Variants in MAP3K10 observed in about 807,000 individuals in gnomAD.
The protein encoded by MAP3K10 is MKN28 derived nonreceptor_type serine/threonine kinase.
MAP3K10 carries 22 observed loss-of-function variants against 75.0 expected under a neutral mutation model. The ratio of observed to expected loss-of-function variants is 0.29; its 90% CI spans 0.21 to 0.42. MAP3K10 has a LOEUF of 0.42. Ranked by LOEUF, MAP3K10 falls within the 10% of genes least tolerant of loss-of-function variation. The pLI is 1.00. For missense variants in MAP3K10, 1,165 were observed against 1,379.8 expected, an observed-to-expected ratio of 0.84 and a Z score of 2.47; for synonymous variants, 599 against 612.9, an observed-to-expected ratio of 0.98 and a Z score of 0.34.
Position 40,205,322 on chromosome 19 carries a change from A to G in MAP3K10, c.1188+26A>G, listed in dbSNP as rs781577696. On this transcript the variant is annotated intron_variant, in intron 4 of 9. Coordinates refer to ENST00000253055, the MANE Select transcript of MAP3K10 (RefSeq NM_002446.4). This position sits in a 1 kb window ranked among gnomAD's most constrained non-coding sequence, Gnocchi z 4.3. ...GTGAAGGCAGGGGGCAAGGTGGGAA[A>G]GATGGAGCAAGACCCCTGAGTTCTG... 3 of 1,612,190 alleles carry G rather than the reference A, an allele frequency of 1.9e-6. No individual in the cohort carries two copies. Among genetic ancestry groups the G allele is most frequent in the Middle Eastern group, 3.3e-4 (2 of 6,050 alleles).
In MAP3K10 at chr19:40,205,037, C is replaced by T. The variant is rs1406298581; in HGVS notation, c.1013-84C>T. ...TTGTCTGCCATCCCCAGAAATTCTGCCTTCCTCTGAGCAGGCTGAGTCCCC... is the reference window on the plus strand; with the variant it reads ...TTGTCTGCCATCCCCAGAAATTCTGTCTTCCTCTGAGCAGGCTGAGTCCCC... On this transcript the variant is annotated intron_variant, in intron 3 of 9. Coordinates refer to ENST00000253055, the MANE Select transcript of MAP3K10 (RefSeq NM_002446.4). This position sits in a 1 kb window ranked among gnomAD's most constrained non-coding sequence, Gnocchi z 4.3. 2.3e-6 allele frequency: 3 copies of T among 1,281,044 alleles called. No homozygotes were observed. Among genetic ancestry groups the T allele is most frequent in the African/African-American group, 2.9e-5 (2 of 68,226 alleles). The allele number at this position is 1,281,044 out of a possible 1,614,324, so 79.4% of individuals were successfully genotyped here. A position where few individuals can be genotyped will look rare whatever the true frequency, so the allele number is the denominator to read the frequency against.
rs1235037562 is a variant in MAP3K10 at position 40,214,238 on chromosome 19, G to A, written c.2542+17G>A. 1.5e-6 allele frequency: 2 copies of A among 1,378,110 alleles called. No homozygotes were observed. The highest frequency in any genetic ancestry group is 1.6e-5 in the South Asian group (1 of 61,522). 85.4% of individuals were successfully genotyped at this position (1,378,110 alleles called of 1,614,324 possible). The stretch of plus-strand genomic sequence containing the variant: ...ATGGCCCTGGTGAGTGAGGCGCCCT[G>A]CACCCAGGTCACAGAAAACCCCTTC... On this transcript the variant is annotated intron_variant, in intron 9 of 9. Transcript: ENST00000253055.
In MAP3K10 at chr19:40,204,853, T is replaced by C. The variant is rs1333840282; in HGVS notation, c.1012+220T>C. 1.2e-5 allele frequency: 8 copies of C among 640,804 alleles called. No homozygotes were observed. Among genetic ancestry groups the C allele is most frequent in the Admixed American group, 5.9e-5 (2 of 33,840 alleles). 39.7% of individuals were successfully genotyped at this position (640,804 alleles called of 1,614,324 possible). On this transcript the variant is annotated intron_variant, in intron 3 of 9. Transcript: ENST00000253055. This position sits in a 1 kb window ranked among gnomAD's most constrained non-coding sequence, Gnocchi z 4.3. ...GGCCCAGAGCTCTCAGGACAACCTG[T>C]TAGGATTCCTTGGCCCTGGGATTCC...
chr19:40,201,847 G>A (rs1973031191), intron 2 of MAP3K10, among the ~76,000 whole-genome samples: 1 of 143,288 alleles, frequency 7.0e-6, no homozygotes, highest in African/African-American at 2.6e-5. Context: ...TGTGCAGAAC[G>A]TGCAGGGTTT....
rs760685025 is a variant in MAP3K10, at chr19:40,215,100, C to T, written c.2673C>T (p.Ala891=). The change falls in exon 10 of 10, where the codon GCC becomes GCT. Residue 891 remains alanine (A), a synonymous_variant. Coordinates refer to ENST00000253055, the MANE Select transcript of MAP3K10 (RefSeq NM_002446.4). ...LTFAPRPRPA[A]SRPRLDPWKL... The stretch of plus-strand genomic sequence containing the variant: ...TTGCCCCGAGACCTCGGCCGGCTGC[C>T]AGTCGCCCCCGCTTGGACCCCTGGA... 1.2e-6 allele frequency: 2 copies of T among 1,611,082 alleles called. No homozygotes were observed. Among genetic ancestry groups the T allele is most frequent in the African/African-American group, 2.7e-5 (2 of 74,748 alleles).
rs1030420946 is a variant in MAP3K10 at position 40,205,776 on chromosome 19, C to T, written c.1189-135C>T. 1.9e-5 allele frequency: 18 copies of T among 939,602 alleles called. No individual in the cohort carries two copies. Among genetic ancestry groups the T allele is most frequent in the South Asian group, 1.4e-4 (7 of 50,794 alleles). 58.2% of individuals were successfully genotyped at this position (939,602 alleles called of 1,614,324 possible). A position where few individuals can be genotyped will look rare whatever the true frequency, so the allele number is the denominator to read the frequency against. ...CCAGCTTGGCTAGCAAAGCATGAGT[C>T]GGGTGGTGAAACCAGTGTACCCCAC... On this transcript the variant is annotated intron_variant, in intron 4 of 9. Coordinates refer to ENST00000253055, the MANE Select transcript of MAP3K10 (RefSeq NM_002446.4). This position sits in a 1 kb window ranked among gnomAD's most constrained non-coding sequence, Gnocchi z 4.3.
chr19:40,209,328 G>A, intron 6 of MAP3K10, 109 bp downstream of exon 6: 2 of 717,248 alleles, frequency 2.8e-6, no homozygotes, highest in Non-Finnish European at 2.3e-6. Context: ...AAAGAAGACA[G>A]ACAAGGCCCT....
In MAP3K10 at chr19:40,191,958, C is replaced by T; in HGVS notation, c.-74C>T. 3 of 1,095,760 alleles carry T rather than the reference C, an allele frequency of 2.7e-6. No homozygotes were observed. The highest frequency in any genetic ancestry group is 3.4e-5 in the Admixed American group (1 of 29,540). The allele number at this position is 1,095,760 out of a possible 1,614,324, so 67.9% of individuals were successfully genotyped here. On this transcript the variant is annotated 5_prime_UTR_variant, in exon 1 of 10. Transcript: ENST00000253055. ...CGCAGGGACTGCCCTCCATCCCGGC[C>T]GCCGGGGCCCGCCCTCTGCATCCCG...
rs566822166 is a variant in MAP3K10 at position 40,212,478 on chromosome 19, A to C, written c.1553-327A>C. ...AGATGAAGGCAGCTGACCCCCAGGG[A>C]ACTAACTACCCAGAGCTGGAGACCA... is the stretch of plus-strand genomic sequence containing the variant. On this transcript the variant is annotated intron_variant, in intron 6 of 9. Coordinates refer to ENST00000253055, the MANE Select transcript of MAP3K10 (RefSeq NM_002446.4). This position sits in a 1 kb window ranked among gnomAD's most constrained non-coding sequence, Gnocchi z 4.2. Among the ~76,000 whole-genome samples, 1 of 152,260 alleles carries C rather than the reference A, an allele frequency of 6.6e-6. No individual in the cohort carries two copies.
chr19:40,191,807 T>TCCCAC lies in MAP3K10; in HGVS notation c.-221_-217dup, dbSNP rs1972817656. 6.5e-6 allele frequency: 1 copy of TCCCAC among 154,074 alleles called. No individual in the cohort carries two copies. Among genetic ancestry groups the TCCCAC allele is most frequent in the Non-Finnish European group, 1.3e-5 (1 of 74,936 alleles). 9.5% of individuals were successfully genotyped at this position (154,074 alleles called of 1,614,324 possible). A position where few individuals can be genotyped will look rare whatever the true frequency, so the allele number is the denominator to read the frequency against. On this transcript the variant is annotated 5_prime_UTR_variant, in exon 1 of 10. Coordinates refer to ENST00000253055, the MANE Select transcript of MAP3K10 (RefSeq NM_002446.4). Reference sequence around the variant, plus strand: ...GGCACGGGTGAACCTGCCGCCCCACTCCCACCCCGCCCCGCCCCGCCCGTA... The same window carrying TCCCAC: ...GGCACGGGTGAACCTGCCGCCCCACTCCCACCCCACCCCGCCCCGCCCCGCCCGTA...
rs1409108815 is a variant in MAP3K10, at chr19:40,197,039, T to C, written c.683-1336T>C. ...CTGTGTAATAAGCTACCCCCAAAAC[T>C]CGGCATCTTAAAACAGCCATTGTGT... On this transcript the variant is annotated intron_variant, in intron 1 of 9. Transcript: ENST00000253055. 2.0e-5 allele frequency among the ~76,000 whole-genome samples: 3 copies of C among 152,156 alleles called. No individual in the cohort carries two copies. In the East Asian group the frequency reaches 5.8e-4, roughly 29 times the overall value.
chr19:40,206,322 T>C (rs1973121287), intron 5 of MAP3K10, 165 bp downstream of exon 5: 2 of 748,422 alleles, frequency 2.7e-6, no homozygotes, highest in Middle Eastern at 3.0e-4. Context: ...AGTCCCAGCC[T>C]ACTCAGGAGG....
At chr19:40,200,061 G>A (rs933731216) in intron 2 of MAP3K10, among the ~76,000 whole-genome samples, 2 of 151,904 alleles carry the variant, frequency 1.3e-5, no homozygotes, top group East Asian at 1.9e-4. Context: ...TTGGGAGGCC[G>A]AGGTGGGTGG....
chr19:40,208,530 C>T (rs1419320896), intron 5 of MAP3K10, among the ~76,000 whole-genome samples: 2 of 149,710 alleles, frequency 1.3e-5, no homozygotes, highest in East Asian at 2.0e-4. Flanking sequence ...ACTCAAATTG[C>T]GGTAATTACA....
intron 5 of MAP3K10, among the ~76,000 whole-genome samples, 183 bp from the exon 6 acceptor site, chr19:40,208,920 A>G (rs1289553211): frequency 6.6e-6 from 1 of 152,190 alleles, no homozygotes; most frequent in African/African-American, 2.4e-5. Flanking sequence ...TGCATTGCCA[A>G]GAAATTTTCA....
In MAP3K10 at chr19:40,191,697, C is replaced by T. The variant is rs1199346621; in HGVS notation, c.-335C>T. On this transcript the variant is annotated 5_prime_UTR_variant, in exon 1 of 10. Transcript: ENST00000253055. The stretch of plus-strand genomic sequence containing the variant: ...GCGGGGAACGGGGACTGCCTGCCGC[C>T]CTCGCCCTCGTCCCCCACCGGCGGA... The T allele has an allele frequency of 4.6e-6, 1 of 215,730 alleles. No individual in the cohort carries two copies. The highest frequency in any genetic ancestry group is 2.3e-5 in the African/African-American group (1 of 43,724). 13.4% of individuals were successfully genotyped at this position (215,730 alleles called of 1,614,324 possible).
At chr19:40,200,057 G>A (rs887898345) in intron 2 of MAP3K10, among the ~76,000 whole-genome samples, 4 of 152,198 alleles carry the variant, frequency 2.6e-5, no homozygotes, top group Admixed American at 2.6e-4. Context: ...CACTTTGGGA[G>A]GCCGAGGTGG....
Position 40,214,146 on chromosome 19 carries a change from CGCGGGCACCG to C in MAP3K10, c.2472_2481del (p.His825ArgfsTer54). On this transcript the variant is annotated frameshift_variant, in exon 9 of 10. Coordinates refer to ENST00000253055, the MANE Select transcript of MAP3K10 (RefSeq NM_002446.4). LOFTEE classifies it high-confidence loss of function. Reference sequence around the variant, plus strand: ...CGTCACGGCTGCATGCGCTGTGAGCCGCGGGCACCGGCGGACGCCATCGGACGGGGCGCTG... The same window carrying C: ...CGTCACGGCTGCATGCGCTGTGAGCCGCGGACGCCATCGGACGGGGCGCTG... 1 of 1,541,338 alleles carries C rather than the reference CGCGGGCACCG, an allele frequency of 6.5e-7. No homozygotes were observed. The highest frequency in any genetic ancestry group is 8.7e-7 in the Non-Finnish European group (1 of 1,152,926).
chr19:40,215,442 T>G lies in MAP3K10; in HGVS notation c.*150T>G. On this transcript the variant is annotated 3_prime_UTR_variant, in exon 10 of 10. Coordinates refer to ENST00000253055, the MANE Select transcript of MAP3K10 (RefSeq NM_002446.4). ...AGGGAGGGGGGGGACACTTAACTTA[T>G]TCCTTTGTACCCCAGGGGGTGGAGC... 3.1e-5 allele frequency: 22 copies of G among 704,588 alleles called. No individual in the cohort carries two copies. The highest frequency in any genetic ancestry group is 5.8e-5 in the East Asian group (2 of 34,232). 43.6% of individuals were successfully genotyped at this position (704,588 alleles called of 1,614,324 possible).
Sources: gnomAD v4.1 joint callset for allele counts (sites outside exome capture counted in the v4.1 genomes callset) on GRCh38, gnomAD v4.1.1 for gene constraint, Gnocchi (gnomAD v3.1) non-coding constraint, MANE v1.5 for transcripts, NCBI Gene and HGNC (gene_info 2026-07-23, HGNC 2026-07-21) for gene names.